The following PXDNL variants were observed in gnomAD, a reference collection of about 807,000 sequenced individuals.
The protein encoded by PXDNL is peroxidasin like.
A neutral mutation model predicts 150.8 loss-of-function variants in PXDNL; 145 were observed. The observed-to-expected ratio is 0.96, with a 90% CI of 0.84 to 1.10. The LOEUF is 1.10. Ranked by LOEUF, PXDNL falls within the 50% of genes least tolerant of loss-of-function variation. The pLI is 0.00. For synonymous variants in PXDNL, 757 were observed against 725.7 expected, an observed-to-expected ratio of 1.04 and a Z score of -0.69; for missense variants, 2,087 against 1,873.9, an observed-to-expected ratio of 1.11 and a Z score of -2.10.
Position 51,423,651 on chromosome 8 carries a change from A to C in PXDNL, c.1719T>G (p.Pro573=), listed in dbSNP as rs776699225. ...CCACACATTCATATCTTCCCTGGTC[A>C]GGGAACCCTGCGTCGTAGATAGTCA... is the stretch of plus-strand genomic sequence containing the variant. ...GTLTIYDAGF[P]DQGRYECVAR... The change falls in exon 14 of 23, where the codon CCT becomes CCG. Residue 573 remains proline (P), a synonymous_variant. Transcript: ENST00000356297. 6.2e-7 allele frequency: 1 copy of C among 1,613,984 alleles called. No homozygotes were observed. The highest frequency in any genetic ancestry group is 8.5e-7 in the Non-Finnish European group (1 of 1,179,870).
intron 1 of PXDNL, among the ~76,000 whole-genome samples, chr8:51,698,894 A>G (rs1486301007): frequency 6.6e-6 from 1 of 152,344 alleles, no homozygotes; most frequent in Middle Eastern, 3.4e-3. Context: ...TTGGGTGACC[A>G]GGTGCTTATC....
At chr8:51,383,006 A>G (rs1175150481) in intron 17 of PXDNL, among the ~76,000 whole-genome samples, 1 of 152,174 alleles carries the variant, frequency 6.6e-6, no homozygotes, top group East Asian at 1.9e-4. Flanking sequence ...GGCTCACCAC[A>G]GCAGCTCCAA....
chr8:51,345,749 T>C, intron 20 of PXDNL, 84 bp downstream of exon 20: 1 of 725,898 alleles, frequency 1.4e-6, no homozygotes, highest in South Asian at 1.7e-5. Context: ...CTGTGGTCTC[T>C]ATTAAAAAAG....
chr8:51,773,100 G>A (rs939698978), intron 1 of PXDNL, among the ~76,000 whole-genome samples: 3 of 152,198 alleles, frequency 2.0e-5, no homozygotes, highest in Non-Finnish European at 2.9e-5. Context: ...ATAATAGGAT[G>A]AACTATGGAT....
intron 6 of PXDNL, among the ~76,000 whole-genome samples, chr8:51,482,731 C>A (rs1239710966): frequency 6.6e-6 from 1 of 152,210 alleles, no homozygotes; most frequent in East Asian, 1.9e-4. Context: ...CTCTTGCCTG[C>A]CACCATGTAA....
intron 1 of PXDNL, among the ~76,000 whole-genome samples, chr8:51,694,361 T>TCAAA (rs1816070467): frequency 1.2e-5 from 1 of 81,882 alleles, no homozygotes; most frequent in South Asian, 4.8e-4. Flanking sequence ...AGACTCCGTC[T>TCAAA]CAAACAAACA....
At chr8:51,688,674 C>A (rs1815925849) in intron 1 of PXDNL, among the ~76,000 whole-genome samples, 1 of 152,138 alleles carries the variant, frequency 6.6e-6, no homozygotes, top group Non-Finnish European at 1.5e-5. Flanking sequence ...ATCCTGATGG[C>A]ATGGTGCCAC....
intron 17 of PXDNL, among the ~76,000 whole-genome samples, chr8:51,407,322 T>C (rs183356593): frequency 1.3e-5 from 2 of 152,366 alleles, no homozygotes; most frequent in East Asian, 3.9e-4. Context: ...CAATTGGCTA[T>C]AGAACTTATA....
At chr8:51,781,820 G>T (rs747731358) in intron 1 of PXDNL, among the ~76,000 whole-genome samples, 4 of 152,162 alleles carry the variant, frequency 2.6e-5, no homozygotes, top group Admixed American at 6.5e-5. Context: ...ATCCTCTGAT[G>T]TCATAATCCA....
At chr8:51,423,017 C>T (rs1330750158) in intron 14 of PXDNL, among the ~76,000 whole-genome samples, 1 of 152,142 alleles carries the variant, frequency 6.6e-6, no homozygotes, top group Non-Finnish European at 1.5e-5. Flanking sequence ...TTTAAACAGT[C>T]ATTATATATA....
Position 51,592,614 on chromosome 8 carries a change from T to C in PXDNL, c.308+13A>G. 6.6e-7 allele frequency: 1 copy of C among 1,521,796 alleles called. No individual in the cohort carries two copies. The highest frequency in any genetic ancestry group is 2.5e-5 in the East Asian group (1 of 40,440). The allele number at this position is 1,521,796 out of a possible 1,614,324, so 94.3% of individuals were successfully genotyped here. A position where few individuals can be genotyped will look rare whatever the true frequency, so the allele number is the denominator to read the frequency against. On this transcript the variant is annotated intron_variant, in intron 3 of 22. Transcript: ENST00000356297. ...AACACCATAAGGCATTGTTGTTTTTTCTTATAACTTACAGATATAGCAAAT... is the reference window on the plus strand; with the variant it reads ...AACACCATAAGGCATTGTTGTTTTTCCTTATAACTTACAGATATAGCAAAT...
At chr8:51,673,753 G>T (rs1465040629) in intron 1 of PXDNL, among the ~76,000 whole-genome samples, 1 of 152,118 alleles carries the variant, frequency 6.6e-6, no homozygotes, top group Admixed American at 6.6e-5. Context: ...GAATGCAAAA[G>T]CCCTGCCTCT....
intron 17 of PXDNL, among the ~76,000 whole-genome samples, chr8:51,403,272 T>C (rs538960464): frequency 6.6e-6 from 1 of 152,256 alleles, no homozygotes; most frequent in East Asian, 1.9e-4. Flanking sequence ...TCCTGAGCTC[T>C]TGGTACTGAA....
At chr8:51,559,330 A>ACCCCCCCCCCC (rs59230172) in intron 3 of PXDNL, among the ~76,000 whole-genome samples, 5 of 98,062 alleles carry the variant, frequency 5.1e-5, no homozygotes, top group Non-Finnish European at 1.2e-4. Context: ...TTTCTTCCAA[A>ACCCCCCCCCCC]CCCCCCCCCC....
At chr8:51,382,926 T>C (rs1380372835) in intron 17 of PXDNL, among the ~76,000 whole-genome samples, 1 of 152,134 alleles carries the variant, frequency 6.6e-6, no homozygotes, top group Non-Finnish European at 1.5e-5. Context: ...TTGATCTTTT[T>C]CTCATGTCTT....
intron 21 of PXDNL, among the ~76,000 whole-genome samples, chr8:51,328,984 G>T (rs558141387): frequency 1.3e-5 from 2 of 152,272 alleles, no homozygotes; most frequent in South Asian, 2.1e-4. Flanking sequence ...CCTACTCCAG[G>T]CTTCCTGACT....
chr8:51,412,665 G>T (rs1421872854), intron 15 of PXDNL, among the ~76,000 whole-genome samples: 1 of 152,186 alleles, frequency 6.6e-6, no homozygotes, highest in Non-Finnish European at 1.5e-5. Context: ...AATGCATCCT[G>T]ATGTTACAAA....
chr8:51,685,605 A>C (rs1210060197), intron 1 of PXDNL, among the ~76,000 whole-genome samples: 2 of 152,186 alleles, frequency 1.3e-5, no homozygotes, highest in African/African-American at 4.8e-5. Flanking sequence ...ATCCTCTTCA[A>C]TTTTAACCCT....
At chr8:51,566,763 T>G (rs1410261501) in intron 3 of PXDNL, among the ~76,000 whole-genome samples, 1 of 151,516 alleles carries the variant, frequency 6.6e-6, no homozygotes, top group Non-Finnish European at 1.5e-5. Flanking sequence ...AATTTCTGTA[T>G]TGTTTCCCAT....
Sources: allele counts gnomAD v4.1 joint callset (sites outside exome capture counted in the v4.1 genomes callset), GRCh38; gene constraint gnomAD v4.1.1; transcripts MANE v1.5; gene names NCBI Gene and HGNC (gene_info 2026-07-23, HGNC 2026-07-21).